The following RB1 variants were observed in gnomAD, a reference collection of about 807,000 sequenced individuals.
RB1 encodes RB transcriptional corepressor 1, also known as retinoblastoma-associated protein.
In RB1, 18 loss-of-function variants were observed where a neutral mutation model predicts 135.4. The ratio of observed to expected loss-of-function variants is 0.13; its 90% CI spans 0.09 to 0.20. RB1 has a LOEUF of 0.20. Among genes scored for constraint, RB1 ranks in the 10% least tolerant of loss-of-function variants. The probability of loss-of-function intolerance (pLI) is 1.00; values close to 1 mark genes in which losing one functional copy is unlikely to be tolerated. For synonymous variants in RB1, 365 were observed against 373.2 expected (o/e 0.98, Z 0.25); for missense variants, 868 against 1,110.0 (o/e 0.78, Z 3.10).
At chr13:48,382,040 G>A (rs188795267) in intron 17 of RB1, among the ~76,000 whole-genome samples, 4 of 152,084 alleles carry the variant, frequency 2.6e-5, no homozygotes, top group Admixed American at 2.0e-4. Flanking sequence ...CTTTTTTATG[G>A]CTGCATAGTA....
rs535352458 is a variant in RB1, at chr13:48,397,882, A to G, written c.1695+16439A>G. On this transcript the variant is annotated intron_variant, in intron 17 of 26. Transcript: ENST00000267163. ...TGTGGCTCTGAAAAAACCAAAAAGG[A>G]TATCTGTTGTATGTTTGTATGGTGG... is the stretch of plus-strand genomic sequence containing the variant. Among the ~76,000 whole-genome samples the G allele has an allele frequency of 8.3e-4, 127 of 152,220 alleles. 1 individual carries two copies. The highest frequency in any genetic ancestry group is 6.4e-3 in the South Asian group (31 of 4,820).
intron 17 of RB1, among the ~76,000 whole-genome samples, chr13:48,398,379 A>G (rs1340070253): frequency 2.0e-5 from 3 of 152,088 alleles, no homozygotes; most frequent in Non-Finnish European, 2.9e-5. Context: ...ATTATTCAAA[A>G]CTGAAATTAT....
At chr13:48,423,136 A>G (rs12870136) in intron 17 of RB1, among the ~76,000 whole-genome samples, 3,828 of 152,326 alleles carry the variant, frequency 0.025, 72 homozygotes, top group Non-Finnish European at 0.041. Context: ...TCTCAAATAA[A>G]TAAGTAAATA....
chr13:48,332,703 G>A (rs547275601), intron 2 of RB1, among the ~76,000 whole-genome samples: 24 of 152,248 alleles, frequency 1.6e-4, no homozygotes, highest in African/African-American at 5.3e-4. Context: ...GTATCCTTAC[G>A]ACATACACAC....
At chr13:48,315,322 TTTGGCTCTCAGC>T (rs1359999739) in intron 2 of RB1, among the ~76,000 whole-genome samples, 1 of 152,232 alleles carries the variant, frequency 6.6e-6, no homozygotes, top group African/African-American at 2.4e-5. Flanking sequence ...GCATTCTTGA[TTTGGCTCTCAGC>T]TTGGGTATTG....
intron 17 of RB1, among the ~76,000 whole-genome samples, chr13:48,409,773 G>C (rs1024453065): frequency 3.3e-5 from 5 of 151,586 alleles, no homozygotes; most frequent in Non-Finnish European, 7.4e-5. Context: ...TAGAGACGGG[G>C]TTTCACCATG....
chr13:48,373,561 T>A, intron 12 of RB1, 69 bp downstream of exon 12: 3 of 993,470 alleles, frequency 3.0e-6, no homozygotes, highest in Non-Finnish European at 3.2e-6. Flanking sequence ...AAAGTTAAAG[T>A]ACTGAGTTCT....
At chr13:48,360,334 T>A (rs1208127854) in intron 7 of RB1, 5 of 1,113,054 alleles carry the variant, frequency 4.5e-6, no homozygotes, top group Non-Finnish European at 4.8e-6. Flanking sequence ...GTGGTTTGGG[T>A]CAAAATACAA....
At chr13:48,344,140 A>G (rs185906352) in intron 3 of RB1, among the ~76,000 whole-genome samples, 40 of 152,338 alleles carry the variant, frequency 2.6e-4, no homozygotes, top group Admixed American at 1.8e-3. Context: ...TTAATATCCT[A>G]TTGGAAAATG....
Position 48,358,802 on chromosome 13 carries a change from G to A in RB1, c.608-1215G>A, listed in dbSNP as rs115961672. On this transcript the variant is annotated intron_variant, in intron 6 of 26. Coordinates refer to ENST00000267163, the MANE Select transcript of RB1 (RefSeq NM_000321.3). The stretch of plus-strand genomic sequence containing the variant: ...AGTCTCTCATTTGATATTGGTACCA[G>A]CACTTTAATACCTAATAAAATGAAA... 9.8e-3 allele frequency among the ~76,000 whole-genome samples: 1,486 copies of A among 152,192 alleles called. 27 individuals are homozygous for A. Among genetic ancestry groups the A allele is most frequent in the African/African-American group, 0.034 (1,425 of 41,546 alleles).
At chr13:48,320,276 G>C (rs1952222944) in intron 2 of RB1, 1 of 1,193,724 alleles carries the variant, frequency 8.4e-7, no homozygotes, top group Non-Finnish European at 1.2e-6. Flanking sequence ...TGTGCAGCGC[G>C]CTCATCGGTG....
intron 6 of RB1, among the ~76,000 whole-genome samples, chr13:48,351,257 C>G (rs1038586965): frequency 6.6e-6 from 1 of 152,108 alleles, no homozygotes; most frequent in Non-Finnish European, 1.5e-5. Context: ...TATTTTTTGA[C>G]TTTATAGTAA....
At chr13:48,355,389 A>T (rs1230172055) in intron 6 of RB1, among the ~76,000 whole-genome samples, 1 of 152,178 alleles carries the variant, frequency 6.6e-6, no homozygotes, top group East Asian at 1.9e-4. Flanking sequence ...CTGCAGTTAA[A>T]ATGGCTGATA....
At chr13:48,456,536 T>G (rs146073830) in intron 19 of RB1, among the ~76,000 whole-genome samples, 187 bp downstream of exon 19, 4 of 152,178 alleles carry the variant, frequency 2.6e-5, no homozygotes, top group African/African-American at 9.6e-5. Context: ...CAGAGTCGTT[T>G]TTCTGGCCGG....
Position 48,373,429 on chromosome 13 carries a change from A to G in RB1, c.1152A>G (p.Gln384=). The G allele has an allele frequency of 6.3e-7, 1 of 1,597,362 alleles. No individual in the cohort carries two copies. The highest frequency in any genetic ancestry group is 1.7e-5 in the Admixed American group (1 of 59,966). Residue 384 remains glutamine, a synonymous_variant, in exon 12 of 27, where the codon CAA becomes CAG. Coordinates refer to ENST00000267163, the MANE Select transcript of RB1 (RefSeq NM_000321.3). ...PVRTVMNTIQ[Q]LMMILNSASD... ...GGACTGTTATGAACACTATCCAACA[A>G]TTAATGATGATTTTAAATTCAGCAA...
At chr13:48,417,512 G>A (rs1948933235) in intron 17 of RB1, among the ~76,000 whole-genome samples, 1 of 152,114 alleles carries the variant, frequency 6.6e-6, no homozygotes, top group Non-Finnish European at 1.5e-5. Context: ...AAACCAGAAT[G>A]CCTTTTCTCT....
chr13:48,404,468 A>C (rs906572380), intron 17 of RB1, among the ~76,000 whole-genome samples: 2 of 152,132 alleles, frequency 1.3e-5, no homozygotes, highest in Non-Finnish European at 2.9e-5. Flanking sequence ...AAACTAATGA[A>C]AACCAGGGGG....
chr13:48,364,624 T>C (rs1381221981), intron 8 of RB1, among the ~76,000 whole-genome samples: 1 of 152,196 alleles, frequency 6.6e-6, no homozygotes, highest in East Asian at 1.9e-4. Flanking sequence ...TCTCAGCTAC[T>C]TGGGAGGCTG....
intron 6 of RB1, among the ~76,000 whole-genome samples, chr13:48,354,754 G>T (rs1952575904): frequency 2.0e-5 from 3 of 152,084 alleles, no homozygotes; most frequent in Admixed American, 2.0e-4. Flanking sequence ...AGAGAGCCCA[G>T]AAACAAATCC....
Sources: allele counts gnomAD v4.1 joint callset (sites outside exome capture counted in the v4.1 genomes callset), GRCh38; gene constraint gnomAD v4.1.1; transcripts MANE v1.5; gene names NCBI Gene and HGNC (gene_info 2026-07-23, HGNC 2026-07-21).